Variants in BRWD1 observed in about 807,000 individuals in gnomAD.
BRWD1 encodes the protein bromodomain and WD repeat domain containing 1, also known as bromodomain and WD repeat-containing protein 1.
BRWD1 carries 82 observed loss-of-function variants against 251.2 expected under a neutral mutation model. That is an observed-to-expected ratio of 0.33 (90% CI 0.27 to 0.39). The LOEUF (loss-of-function observed/expected upper bound fraction) is 0.39, where lower values mean the gene tolerates loss of function less well. Ranked by LOEUF, BRWD1 falls within the 10% of genes least tolerant of loss-of-function variation. The pLI, the probability that BRWD1 is intolerant of heterozygous loss-of-function variation, is 1.00. For synonymous variants in BRWD1, 918 were observed against 902.8 expected (o/e 1.02, Z -0.30); for missense variants, 2,233 against 2,711.6 (o/e 0.82, Z 3.92).
chr21:39,240,591 T>C (rs1381113677), intron 21 of BRWD1, among the ~76,000 whole-genome samples: 1 of 152,248 alleles, frequency 6.6e-6, no homozygotes, highest in Admixed American at 6.5e-5. Flanking sequence ...GCATTATTTA[T>C]AATGTAAACA....
At position 39,212,648 on chromosome 21, in the gene BRWD1, C is replaced by G. The variant is rs2032711111; in HGVS notation, c.3900+18G>C. On this transcript the variant is annotated intron_variant, in intron 34 of 40. Coordinates refer to ENST00000342449, the MANE Select transcript of BRWD1 (RefSeq NM_033656.4). Reference sequence around the variant, plus strand: ...AAGAAAAAGAAACTACAAAAGTCAACCATGCAGAGTAACTTACTCTCCTCC... The same window carrying G: ...AAGAAAAAGAAACTACAAAAGTCAAGCATGCAGAGTAACTTACTCTCCTCC... The G allele has an allele frequency of 6.5e-7, 1 of 1,532,548 alleles. No individual in the cohort carries two copies. Among genetic ancestry groups the G allele is most frequent in the Non-Finnish European group, 8.9e-7 (1 of 1,120,522 alleles). 94.9% of individuals were successfully genotyped at this position (1,532,548 alleles called of 1,614,324 possible). A position where few individuals can be genotyped will look rare whatever the true frequency, so the allele number is the denominator to read the frequency against.
At chr21:39,253,631 G>T (rs955660103) in intron 19 of BRWD1, among the ~76,000 whole-genome samples, 1 of 151,904 alleles carries the variant, frequency 6.6e-6, no homozygotes, top group African/African-American at 2.4e-5. Flanking sequence ...TCCACATTTT[G>T]CTTTTCACTA....
intron 12 of BRWD1, 57 bp downstream of exon 12, chr21:39,276,116 G>T (rs928837909): frequency 2.0e-6 from 3 of 1,474,552 alleles, no homozygotes; most frequent in African/African-American, 1.4e-5. Context: ...ATACTAACAT[G>T]TAGCACATTA....
chr21:39,251,828 A>G (rs562620328), intron 19 of BRWD1, among the ~76,000 whole-genome samples: 1 of 152,318 alleles, frequency 6.6e-6, no homozygotes, highest in African/African-American at 2.4e-5. Context: ...TTGACAATAA[A>G]GCAATACATA....
intron 13 of BRWD1, among the ~76,000 whole-genome samples, chr21:39,272,305 T>TTA (rs1445570866): frequency 0.018 from 1,962 of 110,062 alleles, 49 homozygotes; most frequent in African/African-American, 0.059. Context: ...AAAACTTAAA[T>TTA]AAATAAAAAA....
chr21:39,272,713 T>A (rs1329877412), intron 13 of BRWD1, among the ~76,000 whole-genome samples: 1 of 151,712 alleles, frequency 6.6e-6, no homozygotes, highest in Non-Finnish European at 1.5e-5. Context: ...GTTCAACTGA[T>A]TCTCCTGCTT....
chr21:39,247,584 T>C lies in BRWD1; in HGVS notation c.2481+117A>G, dbSNP rs904917597. 1.2e-5 allele frequency: 13 copies of C among 1,069,342 alleles called. No homozygotes were observed. In the African/African-American group the frequency reaches 2.1e-4, roughly 18 times the overall value. 66.2% of individuals were successfully genotyped at this position (1,069,342 alleles called of 1,614,324 possible). On this transcript the variant is annotated intron_variant, in intron 21 of 40. Coordinates refer to ENST00000342449, the MANE Select transcript of BRWD1 (RefSeq NM_033656.4). ...AACATTCAAAATGTGAAATTTCATA[T>C]TAATCTCTGCAGAATGCTGTGTTTT...
intron 3 of BRWD1, 21 bp downstream of exon 3, chr21:39,313,051 C>G: frequency 7.2e-7 from 1 of 1,387,356 alleles, no homozygotes; most frequent in Non-Finnish European, 9.4e-7. Context: ...CGAGGGAGCG[C>G]GGGGACGGGC....
At chr21:39,218,780 A>G (rs1405336556) in intron 29 of BRWD1, 120 bp from the exon 30 acceptor site, 1 of 766,670 alleles carries the variant, frequency 1.3e-6, no homozygotes, top group Admixed American at 3.7e-5. Flanking sequence ...TCAAAAATAG[A>G]GTTCAAATGT....
rs1299855372 is a variant in BRWD1 at position 39,312,971 on chromosome 21, GGGCGGGCGGCGGGC to G, written c.139-85_139-72del. On this transcript the variant is annotated intron_variant, in intron 3 of 40. Coordinates refer to ENST00000342449, the MANE Select transcript of BRWD1 (RefSeq NM_033656.4). ...GGGGGGGCGGGGGGCGGGGGGCCGG[GGGCGGGCGGCGGGC>G]GGCGGGCGGGGGGCGCGGGCGAGCA... The G allele has an allele frequency of 4.3e-5, 27 of 623,166 alleles. 4 individuals carry two copies. In the East Asian group the frequency reaches 9.2e-4, roughly 21 times the overall value. 38.6% of individuals were successfully genotyped at this position (623,166 alleles called of 1,614,324 possible). A position where few individuals can be genotyped will look rare whatever the true frequency, so the allele number is the denominator to read the frequency against.
rs546703785 is a variant in BRWD1 at position 39,240,909 on chromosome 21, T to TG, written c.2482-2337_2482-2336insC. 1.2e-3 allele frequency among the ~76,000 whole-genome samples: 182 copies of TG among 151,642 alleles called. 1 individual carries two copies. Among genetic ancestry groups the TG allele is most frequent in the Non-Finnish European group, 2.0e-3 (139 of 67,808 alleles). On this transcript the variant is annotated intron_variant, in intron 21 of 40. Coordinates refer to ENST00000342449, the MANE Select transcript of BRWD1 (RefSeq NM_033656.4). ...CACAGGGTAAGTAAATCTTTTTTTT[T>TG]TTGTTTTTTGAGACAGAGTTTCACT...
intron 36 of BRWD1, among the ~76,000 whole-genome samples, chr21:39,206,899 CACG>C (rs2032417606): frequency 6.6e-6 from 1 of 152,182 alleles, no homozygotes; most frequent in African/African-American, 2.4e-5. Context: ...TATCCTCCTC[CACG>C]ACTTTTCCTG....
In BRWD1 at chr21:39,193,393, T is replaced by TTG. The variant is rs1487840486; in HGVS notation, c.*2864_*2865dup. On this transcript the variant is annotated 3_prime_UTR_variant, in exon 41 of 41. Transcript: ENST00000342449. ...CCTTTTATTCATAAGTTACTTCACATTGTAAGTATACCTTTTTAAATAAGG... is the reference window on the plus strand; with the variant it reads ...CCTTTTATTCATAAGTTACTTCACATTGTGTAAGTATACCTTTTTAAATAAGG... 1 of 984,710 alleles carries TTG rather than the reference T, an allele frequency of 1.0e-6. No individual in the cohort carries two copies. The highest frequency in any genetic ancestry group is 1.2e-6 in the Non-Finnish European group (1 of 829,392). 61.0% of individuals were successfully genotyped at this position (984,710 alleles called of 1,614,324 possible).
At chr21:39,313,878 ATGAGGCGGCTGCCCGGGCTTTG>A (rs1490974640), upstream of BRWD1, 1 of 325,358 alleles carries the variant, frequency 3.1e-6, no homozygotes, top group Non-Finnish European at 5.8e-6. Context: ...CCTGCGCGCA[ATGAGGCGGCTGCCCGGGCTTTG>A]TGAGGCGGCA....
At chr21:39,229,685 G>A (rs1381492304) in intron 25 of BRWD1, among the ~76,000 whole-genome samples, 2 of 152,084 alleles carry the variant, frequency 1.3e-5, no homozygotes, top group African/African-American at 4.8e-5. Context: ...ACAAATCTCG[G>A]ATTAGCGCAA....
Position 39,313,376 on chromosome 21 carries a change from CG to C in BRWD1, c.49+66del, listed in dbSNP as rs1037918084. 2.7e-5 allele frequency: 34 copies of C among 1,252,828 alleles called. No individual in the cohort carries two copies. The African/African-American group carries it at 3.9e-4, about 14-fold the overall frequency. The allele number at this position is 1,252,828 out of a possible 1,614,324, so 77.6% of individuals were successfully genotyped here. On this transcript the variant is annotated intron_variant, in intron 1 of 40. Coordinates refer to ENST00000342449, the MANE Select transcript of BRWD1 (RefSeq NM_033656.4). ...CGGGGCCAGGGGAGCCGGGGGAGCCCGGGGAGCCGGGGAAGCCGAAGCAGCC... is the reference window on the plus strand; with the variant it reads ...CGGGGCCAGGGGAGCCGGGGGAGCCCGGGAGCCGGGGAAGCCGAAGCAGCC...
At chr21:39,308,871 A>C (rs1399972175) in intron 4 of BRWD1, among the ~76,000 whole-genome samples, 1 of 152,202 alleles carries the variant, frequency 6.6e-6, no homozygotes. Context: ...AGATAAAAAG[A>C]GATTTAAGAT....
At chr21:39,219,286 T>C (rs2033076411) in intron 29 of BRWD1, 1 of 152,200 alleles carries the variant, frequency 6.6e-6, no homozygotes, top group Non-Finnish European at 1.5e-5. Context: ...CCAGCTGTGG[T>C]GGGGCACACC....
At chr21:39,203,422 G>A (rs1031418923) in intron 37 of BRWD1, among the ~76,000 whole-genome samples, 6 of 135,544 alleles carry the variant, frequency 4.4e-5, no homozygotes, top group Non-Finnish European at 8.1e-5. Flanking sequence ...CTGGGCAACA[G>A]AGCAAGACCC....
Sources: allele counts gnomAD v4.1 joint callset (sites outside exome capture counted in the v4.1 genomes callset), GRCh38; gene constraint gnomAD v4.1.1; transcripts MANE v1.5; gene names NCBI Gene and HGNC (gene_info 2026-07-23, HGNC 2026-07-21).